The following CDYL2 variants were observed in gnomAD, a reference collection of about 807,000 sequenced individuals.
CDYL2 encodes chromodomain Y like 2.
In CDYL2, 23 loss-of-function variants were observed where a neutral mutation model predicts 49.4. The ratio of observed to expected loss-of-function variants is 0.47; its 90% CI spans 0.34 to 0.66. The LOEUF (loss-of-function observed/expected upper bound fraction) is 0.66. Ranked by LOEUF, CDYL2 falls within the 30% of genes least tolerant of loss-of-function variation. The pLI is 0.01. For synonymous variants in CDYL2, 360 were observed against 268.8 expected (o/e 1.34, Z -3.32); for missense variants, 678 against 656.4 (o/e 1.03, Z -0.36).
chr16:80,772,560 C>G (rs1311787636), intron 1 of CDYL2, among the ~76,000 whole-genome samples: 11 of 152,150 alleles, frequency 7.2e-5, no homozygotes, highest in African/African-American at 2.7e-4. Flanking sequence ...TCAAGTAATT[C>G]TCCTGCCTCA....
intron 1 of CDYL2, among the ~76,000 whole-genome samples, chr16:80,753,096 A>C (rs1906191296): frequency 6.6e-6 from 1 of 152,208 alleles, no homozygotes; most frequent in Admixed American, 6.5e-5. Context: ...GGTGTAATGC[A>C]GTCAAAGTTT....
chr16:80,721,999 T>G (rs934583394), intron 1 of CDYL2, among the ~76,000 whole-genome samples: 1 of 152,166 alleles, frequency 6.6e-6, no homozygotes, highest in Non-Finnish European at 1.5e-5. Context: ...AGACCCTTCT[T>G]TGAGGAAGAA....
chr16:80,648,773 A>G (rs895030318), intron 2 of CDYL2, among the ~76,000 whole-genome samples: 13 of 152,136 alleles, frequency 8.5e-5, no homozygotes, highest in African/African-American at 3.1e-4. Context: ...AGCAAACTGA[A>G]TTCAACAATA....
At chr16:80,662,866 C>T (rs764754909) in intron 2 of CDYL2, 25 of 433,498 alleles carry the variant, frequency 5.8e-5, no homozygotes, top group Non-Finnish European at 9.7e-5. Context: ...CTCCTCACCA[C>T]CAGATGGATT....
chr16:80,674,882 G>C (rs977144652), intron 2 of CDYL2, among the ~76,000 whole-genome samples: 1 of 152,204 alleles, frequency 6.6e-6, no homozygotes, highest in Non-Finnish European at 1.5e-5. Context: ...AATAAACTTT[G>C]ACAATTGAGG....
At chr16:80,642,692 G>A (rs1002672201) in intron 2 of CDYL2, among the ~76,000 whole-genome samples, 1 of 152,066 alleles carries the variant, frequency 6.6e-6, no homozygotes, top group African/African-American at 2.4e-5. Context: ...ACATAGCAGT[G>A]GCAAGAGGAA....
At position 80,690,616 on chromosome 16, in the gene CDYL2, G is replaced by A. The variant is rs571268203; in HGVS notation, c.25-5487C>T. On this transcript the variant is annotated intron_variant, in intron 1 of 6. Coordinates refer to ENST00000570137, the MANE Select transcript of CDYL2 (RefSeq NM_152342.4). ...TCTTGGCTCCAAATCCCATGCTCTCGGCGACCACATTATATACACCTCTCA... is the reference window on the plus strand; with the variant it reads ...TCTTGGCTCCAAATCCCATGCTCTCAGCGACCACATTATATACACCTCTCA... Among the ~76,000 whole-genome samples, 52 of 152,122 alleles carry A rather than the reference G, an allele frequency of 3.4e-4. 1 individual carries two copies. The highest frequency in any genetic ancestry group is 7.2e-4 in the Admixed American group (11 of 15,284).
At chr16:80,679,778 T>C (rs1260518861) in intron 2 of CDYL2, 1 of 456,146 alleles carries the variant, frequency 2.2e-6, no homozygotes, top group East Asian at 6.9e-5. Flanking sequence ...CTCCGCCATC[T>C]TGGAGCTCAT....
chr16:80,717,226 C>T (rs1049309519), intron 1 of CDYL2, among the ~76,000 whole-genome samples: 2 of 152,114 alleles, frequency 1.3e-5, no homozygotes, highest in African/African-American at 4.8e-5. Flanking sequence ...GGTGACTAGC[C>T]ATTCTTACTA....
At chr16:80,773,893 T>G (rs2142397769) in intron 1 of CDYL2, among the ~76,000 whole-genome samples, 1 of 152,038 alleles carries the variant, frequency 6.6e-6, no homozygotes, top group East Asian at 1.9e-4. Flanking sequence ...ACAGAAAAAG[T>G]AGAATGAAGA....
At position 80,645,863 on chromosome 16, in the gene CDYL2, T is replaced by C. The variant is rs1461681004; in HGVS notation, c.617-12627A>G. On this transcript the variant is annotated intron_variant, in intron 2 of 6. Transcript: ENST00000570137. ...ACATGGATGAAGCTGGAAACCATCA[T>C]TCTCAGCAAACTATCTCAAGGACAG... Among the ~76,000 whole-genome samples the C allele has an allele frequency of 3.3e-5, 5 of 151,480 alleles. No homozygotes were observed. In the East Asian group the frequency reaches 9.8e-4, roughly 30 times the overall value.
chr16:80,635,539 C>T (rs902105802), intron 2 of CDYL2, among the ~76,000 whole-genome samples: 5 of 152,168 alleles, frequency 3.3e-5, no homozygotes, highest in East Asian at 1.9e-4. Context: ...AAGAACCACA[C>T]ACCACTGCTC....
At chr16:80,606,495 C>T (rs372396680) in intron 6 of CDYL2, among the ~76,000 whole-genome samples, 9 of 152,262 alleles carry the variant, frequency 5.9e-5, no homozygotes, top group Middle Eastern at 3.4e-3. Flanking sequence ...CTAGCATCCC[C>T]GTGCCACCTG....
At chr16:80,672,441 G>A (rs1034347986) in intron 2 of CDYL2, among the ~76,000 whole-genome samples, 3 of 150,166 alleles carry the variant, frequency 2.0e-5, no homozygotes, top group Non-Finnish European at 4.4e-5. Flanking sequence ...AGGATAAGGT[G>A]ATGTAAGAAA....
At chr16:80,648,836 T>TC (rs1380414590) in intron 2 of CDYL2, among the ~76,000 whole-genome samples, 4 of 152,074 alleles carry the variant, frequency 2.6e-5, no homozygotes, top group Non-Finnish European at 5.9e-5. Context: ...CAAGCATGGT[T>TC]CAACATACAC....
Position 80,789,860 on chromosome 16 carries a change from A to C in CDYL2, c.24+14290T>G, listed in dbSNP as rs1017159547. On this transcript the variant is annotated intron_variant, in intron 1 of 6. Coordinates refer to ENST00000570137, the MANE Select transcript of CDYL2 (RefSeq NM_152342.4). ...TCACTTGTAGATGAGACATAAACAA[A>C]GGGTACACATGGACATAAAGGTGGT... Among the ~76,000 whole-genome samples, 3 of 152,314 alleles carry C rather than the reference A, an allele frequency of 2.0e-5. No individual in the cohort carries two copies. In the South Asian group the frequency reaches 6.2e-4, roughly 32 times the overall value.
chr16:80,658,170 T>C (rs929497498), intron 2 of CDYL2, among the ~76,000 whole-genome samples: 4 of 151,268 alleles, frequency 2.6e-5, no homozygotes, highest in African/African-American at 7.3e-5. Context: ...TCACAAGTGG[T>C]TGGCAGGGAA....
At chr16:80,773,778 CTTAAA>C (rs1937925781) in intron 1 of CDYL2, among the ~76,000 whole-genome samples, 1 of 152,016 alleles carries the variant, frequency 6.6e-6, no homozygotes, top group African/African-American at 2.4e-5. Context: ...TAAAGGCATG[CTTAAA>C]TTAAAATGTA....
intron 1 of CDYL2, among the ~76,000 whole-genome samples, chr16:80,702,803 A>G (rs1176487660): frequency 6.6e-6 from 1 of 152,154 alleles, no homozygotes; most frequent in Non-Finnish European, 1.5e-5. Flanking sequence ...GGATGAGTAG[A>G]CACAAAATGC....
Sources: allele counts gnomAD v4.1 joint callset (sites outside exome capture counted in the v4.1 genomes callset), GRCh38; gene constraint gnomAD v4.1.1; transcripts MANE v1.5; gene names NCBI Gene and HGNC (gene_info 2026-07-23, HGNC 2026-07-21).